RNF123: variants seen among roughly 807,000 people sequenced by gnomAD.
RNF123 encodes E3 ubiquitin-protein ligase RNF123.
A neutral mutation model predicts 168.5 loss-of-function variants in RNF123; 86 were observed. The observed-to-expected ratio is 0.51, with a 90% CI of 0.43 to 0.61. The LOEUF (loss-of-function observed/expected upper bound fraction) is 0.61. Ranked by LOEUF, RNF123 falls within the 20% of genes least tolerant of loss-of-function variation. RNF123 has a pLI of 0.00. For synonymous variants in RNF123, 666 were observed against 689.1 expected (o/e 0.97, Z 0.52); for missense variants, 1,419 against 1,729.7 (o/e 0.82, Z 3.19).
chr3:49,708,452 G>A (rs940515543), intron 26 of RNF123, among the ~76,000 whole-genome samples: 1 of 152,216 alleles, frequency 6.6e-6, no homozygotes, highest in Non-Finnish European at 1.5e-5. Context: ...TCTGGCAGCT[G>A]GGGGAGCAGT....
chr3:49,721,027 G>A lies in RNF123; in HGVS notation c.3746G>A (p.Ser1249Asn). The A allele has an allele frequency of 1.2e-6, 2 of 1,612,130 alleles. No homozygotes were observed. The highest frequency in any genetic ancestry group is 2.2e-5 in the East Asian group (1 of 44,842). ...TCACTCTCCTCCCTGCAGCCCACCAGTGAGGAGGACCTCTGCCCCATCTGC... is the reference window on the plus strand; with the variant it reads ...TCACTCTCCTCCCTGCAGCCCACCAATGAGGAGGACCTCTGCCCCATCTGC... ...AQAAAASLPT[S>N]EEDLCPICYA... The change falls in exon 38 of 39, where the codon AGT (serine) becomes AAT (asparagine). Residue 1249 changes from serine to asparagine, a missense_variant. Ser to Asn is a conservative substitution (Grantham distance 46). Coordinates refer to ENST00000327697, the MANE Select transcript of RNF123 (RefSeq NM_022064.5).
intron 28 of RNF123, 61 bp downstream of exon 28, chr3:49,713,648 T>C (rs2080185621): frequency 3.2e-6 from 5 of 1,579,522 alleles, no homozygotes; most frequent in East Asian, 2.3e-5. Flanking sequence ...CTGGTCGGCT[T>C]TCTTCTATGA....
At chr3:49,694,680 C>T (rs1157687395) in intron 3 of RNF123, among the ~76,000 whole-genome samples, 1 of 152,234 alleles carries the variant, frequency 6.6e-6, no homozygotes, top group Non-Finnish European at 1.5e-5. Flanking sequence ...ACGACTTCTG[C>T]CCTTTAGGCA....
Position 49,720,577 on chromosome 3 carries a change from C to A in RNF123, c.3567C>A (p.Leu1189=). 1 of 1,612,188 alleles carries A rather than the reference C, an allele frequency of 6.2e-7. No individual in the cohort carries two copies. The highest frequency in any genetic ancestry group is 8.5e-7 in the Non-Finnish European group (1 of 1,178,874). ...TCCAGCTACGCTCAATATGCTATCT[C>A]CTGGGACAGCCAGAGCCCCCAGCAC... The part of the protein sequence containing the change: ...PCFQLRSICY[L]LGQPEPPAPG... The change falls in exon 36 of 39, where the codon CTC becomes CTA. Residue 1189 remains leucine, a synonymous_variant. Transcript: ENST00000327697.
chr3:49,713,724 G>T lies in RNF123; in HGVS notation c.2750-14G>T, dbSNP rs1575537588. The T allele has an allele frequency of 6.3e-7, 1 of 1,591,212 alleles. No homozygotes were observed. Among genetic ancestry groups the T allele is most frequent in the Non-Finnish European group, 8.6e-7 (1 of 1,168,990 alleles). Reference sequence around the variant, plus strand: ...CATGCCAAGCCCCTGCTGAGGCACGGTGTGTCCCCGCAGACATCCGAGACT... The same window carrying T: ...CATGCCAAGCCCCTGCTGAGGCACGTTGTGTCCCCGCAGACATCCGAGACT... On this transcript the variant is annotated splice_polypyrimidine_tract_variant and intron_variant, in intron 28 of 38. Transcript: ENST00000327697.
chr3:49,719,530 C>T (rs1252770076), intron 35 of RNF123: 10 of 1,375,856 alleles, frequency 7.3e-6, no homozygotes, highest in Admixed American at 2.1e-5. Flanking sequence ...GACTCACCCT[C>T]TTCTGCTCTA....
Position 49,702,477 on chromosome 3 carries a change from C to A in RNF123, c.1629+72C>A, listed in dbSNP as rs190214961. ...CACATGCCATGCCCTCAGCACCTGG[C>A]ACTTCTCGGACTGCCTCATCCCTGC... On this transcript the variant is annotated intron_variant, in intron 19 of 38. Coordinates refer to ENST00000327697, the MANE Select transcript of RNF123 (RefSeq NM_022064.5). 13 of 1,598,920 alleles carry A rather than the reference C, an allele frequency of 8.1e-6. No homozygotes were observed. The Admixed American group carries it at 2.2e-4, about 27-fold the overall frequency.
At chr3:49,718,662 G>A (rs2080308961) in intron 35 of RNF123, 2 of 1,612,960 alleles carry the variant, frequency 1.2e-6, no homozygotes, top group Non-Finnish European at 1.7e-6. Context: ...TCTCAAAGAC[G>A]CGGCTGTGCT....
intron 35 of RNF123, 125 bp from the exon 36 acceptor site, chr3:49,720,386 G>GA (rs2080373609): frequency 1.0e-6 from 1 of 959,172 alleles, no homozygotes; most frequent in African/African-American, 1.6e-5. Context: ...GGGAAGCAGG[G>GA]AGACGGAAAG....
At chr3:49,700,155 C>T (rs2054350158) in intron 12 of RNF123, 72 bp from the exon 13 acceptor site, 1 of 1,593,650 alleles carries the variant, frequency 6.3e-7, no homozygotes, top group East Asian at 2.3e-5. Context: ...GTGCCTTGGC[C>T]ATGTGCCAGG....
chr3:49,690,289 A>G (rs2054117291), intron 1 of RNF123, among the ~76,000 whole-genome samples: 3 of 152,258 alleles, frequency 2.0e-5, no homozygotes, highest in Non-Finnish European at 4.4e-5. Flanking sequence ...ACCATTAGCC[A>G]CATGTGGTCA....
intron 35 of RNF123, chr3:49,718,714 C>A: frequency 6.2e-7 from 1 of 1,612,978 alleles, no homozygotes; most frequent in Non-Finnish European, 8.5e-7. Context: ...GAAGGCCAAG[C>A]ATACGTACTC....
At chr3:49,707,767 G>T (rs1348292884) in intron 26 of RNF123, among the ~76,000 whole-genome samples, 1 of 151,730 alleles carries the variant, frequency 6.6e-6, no homozygotes, top group Non-Finnish European at 1.5e-5. Flanking sequence ...TGACTCTCCT[G>T]CTACCCTGGA....
At chr3:49,696,235 A>G (rs978885479) in intron 3 of RNF123, among the ~76,000 whole-genome samples, 2 of 152,208 alleles carry the variant, frequency 1.3e-5, no homozygotes, top group African/African-American at 4.8e-5. Context: ...GAGAGCGGAC[A>G]GGTTATGTGC....
Position 49,700,353 on chromosome 3 carries a change from G to C in RNF123, c.1110+1G>C, listed in dbSNP as rs2054355395. On this transcript the variant is annotated splice_donor_variant, in intron 13 of 38. Coordinates refer to ENST00000327697, the MANE Select transcript of RNF123 (RefSeq NM_022064.5). LOFTEE classifies it high-confidence loss of function. ...GGACCTCTTGTGGCTCTTCATGGAG[G>C]TGAGGCTCCTGACCTCAGGCCTCAG... 11 of 1,614,200 alleles carry C rather than the reference G, an allele frequency of 6.8e-6. No individual in the cohort carries two copies. The highest frequency in any genetic ancestry group is 9.3e-6 in the Non-Finnish European group (11 of 1,180,010).
chr3:49,715,567 C>T lies in RNF123; in HGVS notation c.3011-8C>T, dbSNP rs752132944. 11 of 1,613,732 alleles carry T rather than the reference C, an allele frequency of 6.8e-6. No individual in the cohort carries two copies. The highest frequency in any genetic ancestry group is 2.2e-5 in the East Asian group (1 of 44,878). ...TCCCTGATGATGCCGCCTCCTGTCCCCCTGCAGAGCCCTGCCCTTCCACCC... is the reference window on the plus strand; with the variant it reads ...TCCCTGATGATGCCGCCTCCTGTCCTCCTGCAGAGCCCTGCCCTTCCACCC... On this transcript the variant is annotated splice_polypyrimidine_tract_variant and splice_region_variant and intron_variant, in intron 31 of 38. Transcript: ENST00000327697.
Position 49,713,800 on chromosome 3 carries a change from G to A in RNF123, c.2812G>A (p.Ala938Thr). The A allele has an allele frequency of 6.2e-7, 1 of 1,612,738 alleles. No individual in the cohort carries two copies. Among genetic ancestry groups the A allele is most frequent in the Non-Finnish European group, 8.5e-7 (1 of 1,179,648 alleles). ...SYVCYPHSLR[A>T]VERIPEEQRI... ...CGTGTGCTACCCACACTCCCTGCGG[G>A]CTGTGGAGCGAATCCCCGAGGAGCA... is the stretch of plus-strand genomic sequence containing the variant. The change falls in exon 29 of 39, where the codon GCT (alanine) becomes ACT (threonine). Residue 938 changes from alanine (A) to threonine (T), a missense_variant. Ala to Thr is a moderately conservative substitution (Grantham distance 58). Around this residue, in one of 5 missense-constraint regions of RNF123, gnomAD observed 538 missense variants for 708.8 expected, o/e 0.76. Transcript: ENST00000327697.
chr3:49,699,138 C>G lies in RNF123; in HGVS notation c.764+33C>G. 6.2e-7 allele frequency: 1 copy of G among 1,600,464 alleles called. No individual in the cohort carries two copies. Among genetic ancestry groups the G allele is most frequent in the East Asian group, 2.2e-5 (1 of 44,780 alleles). On this transcript the variant is annotated intron_variant, in intron 10 of 38. Transcript: ENST00000327697. This position sits in a 1 kb window ranked among gnomAD's most constrained non-coding sequence, Gnocchi z 4.8. ...TTTGTGAAGATGGCTGTGGGCTGCT[C>G]AGAAGCTCTTGGGGAGGCTGGGATG...
At chr3:49,706,269 G>A (rs1266172605) in intron 25 of RNF123, among the ~76,000 whole-genome samples, 2 of 152,194 alleles carry the variant, frequency 1.3e-5, no homozygotes, top group Non-Finnish European at 2.9e-5. Flanking sequence ...CACCCCCTGG[G>A]CCCAATAAGT....
Sources: gnomAD v4.1 joint callset for allele counts (sites outside exome capture counted in the v4.1 genomes callset) on GRCh38, gnomAD v4.1.1 for gene constraint, gnomAD v4.1.1 regional missense constraint, Gnocchi (gnomAD v3.1) non-coding constraint, MANE v1.5 for transcripts, NCBI Gene and HGNC (gene_info 2026-07-23, HGNC 2026-07-21) for gene names.